Variants in RAPGEF5 observed in about 807,000 individuals in gnomAD.
The protein encoded by RAPGEF5 is Rap guanine nucleotide exchange factor 5.
Under a neutral mutation model 125.2 loss-of-function variants are expected in RAPGEF5, and 65 were observed. That is an observed-to-expected ratio of 0.52 (90% CI 0.43 to 0.64). The LOEUF (loss-of-function observed/expected upper bound fraction) is 0.64. RAPGEF5 is among the 30% of genes least tolerant of loss of function. The pLI, the probability that RAPGEF5 is intolerant of heterozygous loss-of-function variation, is 0.00. For missense variants in RAPGEF5, 958 were observed against 1,048.1 expected (o/e 0.91, Z 1.19); for synonymous variants, 391 against 385.9 (o/e 1.01, Z -0.16).
chr7:22,244,314 AC>A (rs1432022346), intron 7 of RAPGEF5, among the ~76,000 whole-genome samples: 2 of 151,930 alleles, frequency 1.3e-5, no homozygotes, highest in Non-Finnish European at 2.9e-5. Context: ...GAAGTCTTCA[AC>A]CCCCACGCCA....
Position 22,308,379 on chromosome 7 carries a change from G to C in RAPGEF5, c.640C>G (p.Leu214Val). ...WQNGVKLLLQ[L>V]VPLIPARGGI... ...CCTCTGGCAGGAATGAGAGGCACAA[G>C]TTGCAGTAAAAGCTTGACACCATTT... is the stretch of plus-strand genomic sequence containing the variant. Residue 214 changes from leucine to valine, a missense_variant, in exon 5 of 26, where the codon CTT becomes GTT. Physicochemically the swap from Leu to Val is conservative, Grantham distance 32 (BLOSUM62 1). Transcript: ENST00000665637. 6.3e-7 allele frequency: 1 copy of C among 1,589,360 alleles called. No individual in the cohort carries two copies. The highest frequency in any genetic ancestry group is 8.6e-7 in the Non-Finnish European group (1 of 1,166,526).
chr7:22,265,044 T>C (rs1782249328), intron 7 of RAPGEF5, among the ~76,000 whole-genome samples: 1 of 152,216 alleles, frequency 6.6e-6, no homozygotes, highest in African/African-American at 2.4e-5. Flanking sequence ...TTTTAATACA[T>C]GCAAATATTG....
intron 1 of RAPGEF5, among the ~76,000 whole-genome samples, chr7:22,333,521 G>T (rs1173489959): frequency 1.3e-5 from 2 of 152,166 alleles, no homozygotes; most frequent in South Asian, 2.1e-4. Context: ...AGAATGAAAA[G>T]AGTATTTATT....
At chr7:22,174,543 G>A (rs925610915) in intron 11 of RAPGEF5, among the ~76,000 whole-genome samples, 1 of 152,150 alleles carries the variant, frequency 6.6e-6, no homozygotes, top group Non-Finnish European at 1.5e-5. Flanking sequence ...CACTTTTACT[G>A]CCTGTGGACA....
chr7:22,296,312 C>G (rs1366306420), intron 5 of RAPGEF5, among the ~76,000 whole-genome samples: 3 of 152,118 alleles, frequency 2.0e-5, no homozygotes, highest in Non-Finnish European at 4.4e-5. Flanking sequence ...TTTTTACTCA[C>G]AGTTCCCAAG....
chr7:22,258,624 C>CAAAAAAAAAAAAAAAAAAAAA (rs34352575), intron 7 of RAPGEF5, among the ~76,000 whole-genome samples: 5 of 45,802 alleles, frequency 1.1e-4, no homozygotes, highest in Non-Finnish European at 2.0e-4. Flanking sequence ...AACTCCGTCT[C>CAAAAAAAAAAAAAAAAAAAAA]AAAAAAAAAA....
intron 7 of RAPGEF5, among the ~76,000 whole-genome samples, chr7:22,232,311 G>A (rs1249989827): frequency 8.4e-6 from 1 of 118,552 alleles, no homozygotes; most frequent in Non-Finnish European, 1.7e-5. Flanking sequence ...ATTATTCTGT[G>A]TGCTTTTTTT....
intron 1 of RAPGEF5, among the ~76,000 whole-genome samples, chr7:22,331,007 T>C (rs111619963): frequency 3.3e-5 from 5 of 152,296 alleles, no homozygotes; most frequent in African/African-American, 1.2e-4. Context: ...GATTTCAGCT[T>C]TGATCCCTGC....
intron 1 of RAPGEF5, chr7:22,356,063 G>A: frequency 1.0e-6 from 1 of 985,394 alleles, no homozygotes; most frequent in Non-Finnish European, 1.2e-6. Context: ...CTCCTAGGTG[G>A]CTTCTTAAAG....
chr7:22,195,285 A>C (rs966613895), intron 9 of RAPGEF5, among the ~76,000 whole-genome samples: 7 of 152,188 alleles, frequency 4.6e-5, no homozygotes, highest in Non-Finnish European at 8.8e-5. Flanking sequence ...AAGAAGAGGA[A>C]GGCACTAATC....
intron 17 of RAPGEF5, among the ~76,000 whole-genome samples, chr7:22,152,472 C>T (rs1783658662): frequency 6.6e-6 from 1 of 152,118 alleles, no homozygotes; most frequent in South Asian, 2.1e-4. Flanking sequence ...CCCTTATTTT[C>T]AGGTTTGTCA....
chr7:22,156,514 TGA>T (rs1341873685), intron 16 of RAPGEF5, among the ~76,000 whole-genome samples: 3 of 152,222 alleles, frequency 2.0e-5, no homozygotes. Context: ...AGGAAAAGGC[TGA>T]GTCTCCCGTT....
intron 23 of RAPGEF5, among the ~76,000 whole-genome samples, chr7:22,134,593 T>C (rs949976529): frequency 7.9e-5 from 12 of 152,204 alleles, no homozygotes; most frequent in African/African-American, 2.9e-4. Context: ...GTCAACTAAT[T>C]TCTCATTACC....
chr7:22,283,044 A>AC (rs1782710765), intron 6 of RAPGEF5, among the ~76,000 whole-genome samples: 2 of 105,590 alleles, frequency 1.9e-5, no homozygotes, highest in Non-Finnish European at 3.6e-5. Context: ...TCTGTAAAAA[A>AC]ATACACACAC....
chr7:22,147,238 G>T (rs932176683), intron 18 of RAPGEF5, among the ~76,000 whole-genome samples: 1 of 152,132 alleles, frequency 6.6e-6, no homozygotes, highest in Non-Finnish European at 1.5e-5. Context: ...CAGTGAGTTC[G>T]CCCGCTCCTC....
At chr7:22,307,633 T>C (rs1783372911) in intron 5 of RAPGEF5, among the ~76,000 whole-genome samples, 1 of 152,158 alleles carries the variant, frequency 6.6e-6, no homozygotes, top group South Asian at 2.1e-4. Context: ...CCTACTTTCT[T>C]ATCTATGACA....
intron 18 of RAPGEF5, among the ~76,000 whole-genome samples, 189 bp downstream of exon 18, chr7:22,150,218 G>A (rs1388902932): frequency 6.6e-6 from 1 of 151,538 alleles, no homozygotes; most frequent in Non-Finnish European, 1.5e-5. Flanking sequence ...AGGGACAACA[G>A]GTGTGTACTA....
intron 7 of RAPGEF5, among the ~76,000 whole-genome samples, chr7:22,239,552 C>T (rs1052314953): frequency 6.6e-6 from 1 of 152,002 alleles, no homozygotes; most frequent in African/African-American, 2.4e-5. Context: ...GGCCTCGCTC[C>T]ACCCTCCCTG....
intron 1 of RAPGEF5, among the ~76,000 whole-genome samples, chr7:22,322,709 A>T (rs758827226): frequency 2.6e-5 from 4 of 152,176 alleles, no homozygotes; most frequent in Non-Finnish European, 5.9e-5. Context: ...GCAGTTCTCA[A>T]CCCTCGATGT....
Sources: gnomAD v4.1 joint callset for allele counts (sites outside exome capture counted in the v4.1 genomes callset) on GRCh38, gnomAD v4.1.1 for gene constraint, MANE v1.5 for transcripts, NCBI Gene and HGNC (gene_info 2026-07-23, HGNC 2026-07-21) for gene names.